AFTPH: variants seen among roughly 807,000 people sequenced by gnomAD.
The protein encoded by AFTPH is aftiphilin protein.
In AFTPH, 7 loss-of-function variants were observed where a neutral mutation model predicts 72.5. The ratio of observed to expected loss-of-function variants is 0.10; its 90% CI spans 0.05 to 0.18. The LOEUF (loss-of-function observed/expected upper bound fraction) is 0.18, where lower values mean the gene tolerates loss of function less well. Ranked by LOEUF, AFTPH falls within the 10% of genes least tolerant of loss-of-function variation. The pLI is 1.00. For missense variants in AFTPH, 979 were observed against 1,060.5 expected (o/e 0.92, Z 1.07); for synonymous variants, 337 against 370.1 (o/e 0.91, Z 1.03).
At chr2:64,561,384 C>T (rs1372015850) in intron 2 of AFTPH, among the ~76,000 whole-genome samples, 1 of 152,060 alleles carries the variant, frequency 6.6e-6, no homozygotes, top group Non-Finnish European at 1.5e-5. Flanking sequence ...ATTTAAAATT[C>T]AAGTAATTGG....
chr2:64,563,312 A>G (rs1224991841), intron 2 of AFTPH, among the ~76,000 whole-genome samples: 1 of 152,220 alleles, frequency 6.6e-6, no homozygotes, highest in Non-Finnish European at 1.5e-5. Flanking sequence ...GATGAAAATA[A>G]TATATGTACC....
At chr2:64,525,319 G>A (rs1253652860) in intron 1 of AFTPH, among the ~76,000 whole-genome samples, 1 of 152,230 alleles carries the variant, frequency 6.6e-6, no homozygotes, top group Non-Finnish European at 1.5e-5. Flanking sequence ...TGGAGTGAGG[G>A]GTGGTAGGGT....
intron 1 of AFTPH, among the ~76,000 whole-genome samples, chr2:64,547,258 G>A (rs1312183130): frequency 3.3e-5 from 5 of 152,160 alleles, no homozygotes; most frequent in Non-Finnish European, 7.4e-5. Flanking sequence ...CAGGTTTTCA[G>A]TCTTTCCTTG....
chr2:64,530,256 G>T (rs1669550453), intron 1 of AFTPH, among the ~76,000 whole-genome samples: 1 of 152,142 alleles, frequency 6.6e-6, no homozygotes, highest in African/African-American at 2.4e-5. Flanking sequence ...TTACCAAAAT[G>T]AAGACTTGTT....
At chr2:64,577,637 T>C (rs115405399) in intron 6 of AFTPH, among the ~76,000 whole-genome samples, 205 of 152,340 alleles carry the variant, frequency 1.3e-3, no homozygotes, top group African/African-American at 4.5e-3. Context: ...GTAAGTTGAA[T>C]CTGCTAGAAT....
chr2:64,570,832 A>C (rs1207017742), intron 5 of AFTPH, among the ~76,000 whole-genome samples: 1 of 151,964 alleles, frequency 6.6e-6, no homozygotes, highest in African/African-American at 2.4e-5. Flanking sequence ...GTTAGAGGCT[A>C]AAGCTTATGC....
At position 64,569,566 on chromosome 2, in the gene AFTPH, C is replaced by T. The variant is rs1361227771; in HGVS notation, c.2215-57C>T. The T allele has an allele frequency of 1.2e-5, 18 of 1,550,690 alleles. No homozygotes were observed. The East Asian group carries it at 4.1e-4, about 35-fold the overall frequency. On this transcript the variant is annotated intron_variant, in intron 4 of 8. Transcript: ENST00000238856. ...TCTCAAGCATATTTGGAAACTATTT[C>T]ATTGTATGATAGATTATTCTCTAAA...
chr2:64,576,127 T>C, intron 6 of AFTPH, among the ~76,000 whole-genome samples: 1 of 127,312 alleles, frequency 7.9e-6, no homozygotes, highest in Admixed American at 7.7e-5. Flanking sequence ...ACGTGTGTCA[T>C]ACAAATGAAA....
intron 1 of AFTPH, among the ~76,000 whole-genome samples, chr2:64,539,927 A>T (rs1278362082): frequency 1.3e-5 from 2 of 152,024 alleles, no homozygotes; most frequent in African/African-American, 4.8e-5. Context: ...AGAAGAGAGG[A>T]TTCTGTTTTG....
At chr2:64,553,394 A>G in exon 2 of AFTPH, 6 of 1,590,068 alleles carry the variant, frequency 3.8e-6, no homozygotes, top group Non-Finnish European at 5.1e-6. Context: ...TACAGGAATC[A>G]GCCACTTCAG....
intron 8 of AFTPH, among the ~76,000 whole-genome samples, chr2:64,586,868 T>C (rs1335167833): frequency 6.6e-6 from 1 of 152,238 alleles, no homozygotes; most frequent in East Asian, 1.9e-4. Flanking sequence ...AATTTGTATA[T>C]GTTAACTAAA....
intron 1 of AFTPH, among the ~76,000 whole-genome samples, chr2:64,546,123 C>T (rs1375735010): frequency 6.6e-6 from 1 of 151,918 alleles, no homozygotes; most frequent in African/African-American, 2.4e-5. Flanking sequence ...AAACTCCTGA[C>T]CTCAAGTGAT....
At chr2:64,547,155 C>G (rs1183866049) in intron 1 of AFTPH, among the ~76,000 whole-genome samples, 1 of 152,210 alleles carries the variant, frequency 6.6e-6, no homozygotes, top group Non-Finnish European at 1.5e-5. Flanking sequence ...AAGTAGATGA[C>G]TCACAATCAT....
Position 64,572,912 on chromosome 2 carries a change from C to A in AFTPH, c.2272-34C>A, listed in dbSNP as rs1019179654. ...ACTTAAGTTTATGGGCTGTGCACCC[C>A]CATCCCCATTAAAGGCTAATATTCC... On this transcript the variant is annotated intron_variant, in intron 5 of 8. Coordinates refer to ENST00000238856, the Ensembl canonical transcript of AFTPH. The A allele has an allele frequency of 1.5e-5, 25 of 1,613,112 alleles. No homozygotes were observed. In the Admixed American group the frequency reaches 1.8e-4, roughly 12 times the overall value.
chr2:64,581,330 C>T (rs1673183872), intron 7 of AFTPH, 57 bp downstream of exon 8: 1 of 1,405,144 alleles, frequency 7.1e-7, no homozygotes, highest in Non-Finnish European at 9.7e-7. Flanking sequence ...ATGACCACAT[C>T]ACTTGACTTT....
intron 1 of AFTPH, among the ~76,000 whole-genome samples, chr2:64,540,281 C>T (rs957279147): frequency 2.6e-5 from 4 of 152,240 alleles, no homozygotes; most frequent in Non-Finnish European, 5.9e-5. Context: ...CATCCATCCT[C>T]GTGGATGCTT....
chr2:64,524,743 C>T (rs893846019), intron 1 of AFTPH, 131 bp downstream of exon 1: 2 of 364,462 alleles, frequency 5.5e-6, no homozygotes, highest in Non-Finnish European at 4.9e-6. Flanking sequence ...GCTGTGAGGA[C>T]GGAGCTGGCT....
intron 6 of AFTPH, 51 bp downstream of exon 6, chr2:64,573,119 A>G (rs1376807222): frequency 3.7e-6 from 5 of 1,344,444 alleles, no homozygotes; most frequent in Non-Finnish European, 4.2e-6. Context: ...ATATACACAT[A>G]TATCCACACA....
At chr2:64,548,060 G>T (rs1229346356) in intron 1 of AFTPH, among the ~76,000 whole-genome samples, 2 of 149,872 alleles carry the variant, frequency 1.3e-5, no homozygotes, top group East Asian at 4.1e-4. Context: ...CAAAGTGCTG[G>T]GATTACAGGT....
Sources: gnomAD v4.1 joint callset for allele counts (sites outside exome capture counted in the v4.1 genomes callset) on GRCh38, gnomAD v4.1.1 for gene constraint, MANE v1.5 for transcripts, NCBI Gene and HGNC (gene_info 2026-07-23, HGNC 2026-07-21) for gene names.